The following EPHA7 variants were observed in gnomAD, a reference collection of about 807,000 sequenced individuals.
EPHA7 encodes ephrin type-A receptor 7.
EPHA7 carries 25 observed loss-of-function variants against 112.6 expected under a neutral mutation model. The observed-to-expected ratio is 0.22, with a 90% CI of 0.16 to 0.31. The LOEUF (loss-of-function observed/expected upper bound fraction) is 0.31. Ranked by LOEUF, EPHA7 falls within the 10% of genes least tolerant of loss-of-function variation. EPHA7 has a pLI of 1.00. For synonymous variants in EPHA7, 437 were observed against 406.5 expected (o/e 1.07, Z -0.90); for missense variants, 962 against 1,212.6 (o/e 0.79, Z 3.07).
chr6:93,256,192 T>G (rs1055104821), intron 12 of EPHA7, among the ~76,000 whole-genome samples, 155 bp from the exon 13 acceptor site: 5 of 152,162 alleles, frequency 3.3e-5, no homozygotes, highest in Non-Finnish European at 7.4e-5. Flanking sequence ...AAAAATAACA[T>G]GCTTATTTAG....
At chr6:93,338,469 T>C (rs139883926) in intron 5 of EPHA7, among the ~76,000 whole-genome samples, 11 of 152,132 alleles carry the variant, frequency 7.2e-5, no homozygotes, top group East Asian at 5.8e-4. Context: ...CTCTGAACCA[T>C]TGAAATTCAA....
intron 2 of EPHA7, 53 bp from the exon 3 acceptor site, chr6:93,411,223 CT>C: frequency 1.4e-6 from 2 of 1,481,308 alleles, no homozygotes; most frequent in Non-Finnish European, 1.8e-6. Flanking sequence ...TAACATTTTG[CT>C]TTTGAAAGTG....
intron 14 of EPHA7, 56 bp downstream of exon 14, chr6:93,254,591 T>G: frequency 6.8e-7 from 1 of 1,460,584 alleles, no homozygotes; most frequent in Non-Finnish European, 9.4e-7. Context: ...CATGTTCCAG[T>G]AATACTGGCC....
chr6:93,352,435 A>ACTCTTACAT (rs1185435161), intron 5 of EPHA7, among the ~76,000 whole-genome samples: 7 of 152,024 alleles, frequency 4.6e-5, no homozygotes, highest in Non-Finnish European at 8.8e-5. Flanking sequence ...TTACTTTTAT[A>ACTCTTACAT]CTCTTACATC....
chr6:93,257,130 A>C (rs1770476298), intron 12 of EPHA7, among the ~76,000 whole-genome samples: 1 of 152,090 alleles, frequency 6.6e-6, no homozygotes, highest in Non-Finnish European at 1.5e-5. Flanking sequence ...CTCACCTTTT[A>C]GTCTTTTCCA....
intron 5 of EPHA7, among the ~76,000 whole-genome samples, chr6:93,321,135 G>C (rs1025980459): frequency 2.4e-4 from 37 of 151,756 alleles, no homozygotes; most frequent in Non-Finnish European, 1.5e-4. Context: ...TCAATATGTG[G>C]CATATGCATT....
intron 5 of EPHA7, among the ~76,000 whole-genome samples, chr6:93,296,385 T>A (rs1362862442): frequency 6.8e-6 from 1 of 146,936 alleles, no homozygotes; most frequent in East Asian, 2.1e-4. Context: ...GGAAATAACC[T>A]AACTATCTGT....
chr6:93,251,593 C>T (rs191088534), intron 14 of EPHA7, among the ~76,000 whole-genome samples: 1 of 144,382 alleles, frequency 6.9e-6, no homozygotes, highest in East Asian at 2.1e-4. Flanking sequence ...CATTAAAATA[C>T]TAATGTAAGA....
intron 16 of EPHA7, 23 bp downstream of exon 16, chr6:93,245,275 C>T (rs1399743485): frequency 3.1e-6 from 5 of 1,596,730 alleles, no homozygotes; most frequent in Non-Finnish European, 4.3e-6. Flanking sequence ...TCCTTAAATA[C>T]AATTTTAAGA....
intron 5 of EPHA7, among the ~76,000 whole-genome samples, chr6:93,310,003 C>G (rs550123018): frequency 1.5e-4 from 23 of 152,260 alleles, no homozygotes; most frequent in African/African-American, 5.5e-4. Context: ...GGTTCACAGT[C>G]CTTAATTTCT....
chr6:93,289,646 A>G (rs1032705472), intron 5 of EPHA7, among the ~76,000 whole-genome samples: 2 of 152,160 alleles, frequency 1.3e-5, no homozygotes, highest in African/African-American at 4.8e-5. Context: ...AAATAAAAAA[A>G]TAAGAAAGTA....
At chr6:93,339,304 G>A (rs1775028297) in intron 5 of EPHA7, among the ~76,000 whole-genome samples, 1 of 151,544 alleles carries the variant, frequency 6.6e-6, no homozygotes. Context: ...TTCTTTTGTA[G>A]TCCCGGTTAT....
chr6:93,349,705 C>T (rs1775591670), intron 5 of EPHA7, among the ~76,000 whole-genome samples: 1 of 151,600 alleles, frequency 6.6e-6, no homozygotes, highest in Non-Finnish European at 1.5e-5. Context: ...ATATCATGTT[C>T]CTTTAAAATA....
rs1770360432 is a variant in EPHA7 at position 93,254,724 on chromosome 6, C to T, written c.2455G>A (p.Val819Ile). 2 of 1,613,744 alleles carry T rather than the reference C, an allele frequency of 1.2e-6. No homozygotes were observed. The highest frequency in any genetic ancestry group is 1.7e-5 in the Admixed American group (1 of 60,004). ...QYRKFTSASD[V>I]WSYGIVMWEV... ...CACATGACTATTCCATAGCTCCATA[C>T]ATCACTGGCTGATGTGAATTTCCGG... The change falls in exon 14 of 17, where the codon GTA becomes ATA. Residue 819 changes from valine (V) to isoleucine (I), a missense_variant. Val to Ile is a conservative substitution (Grantham distance 29). Transcript: ENST00000369303.
chr6:93,339,421 T>C (rs1241901311), intron 5 of EPHA7, among the ~76,000 whole-genome samples: 2 of 151,846 alleles, frequency 1.3e-5, no homozygotes, highest in East Asian at 3.9e-4. Flanking sequence ...GTTAAATTTA[T>C]AGCAAAGAAT....
intron 5 of EPHA7, among the ~76,000 whole-genome samples, chr6:93,320,156 G>C (rs1003833330): frequency 1.5e-4 from 23 of 151,970 alleles, no homozygotes; most frequent in African/African-American, 4.8e-4. Flanking sequence ...CCATTTCATT[G>C]ATTAGCTAAC....
intron 5 of EPHA7, among the ~76,000 whole-genome samples, chr6:93,277,961 A>C (rs1771549572): frequency 6.6e-6 from 1 of 151,990 alleles, no homozygotes; most frequent in Non-Finnish European, 1.5e-5. Context: ...CAGTAGAGTA[A>C]TAAAATACCT....
chr6:93,280,005 G>A (rs1003244200), intron 5 of EPHA7, among the ~76,000 whole-genome samples: 1 of 151,960 alleles, frequency 6.6e-6, no homozygotes, highest in Non-Finnish European at 1.5e-5. Flanking sequence ...AACTCCTTTC[G>A]TTCATACCTT....
chr6:93,297,544 A>C (rs1034767863), intron 5 of EPHA7, among the ~76,000 whole-genome samples: 26 of 152,116 alleles, frequency 1.7e-4, no homozygotes, highest in African/African-American at 6.0e-4. Flanking sequence ...TTTGTTTATA[A>C]TTGGTTTAGT....
Sources: gnomAD v4.1 joint callset for allele counts (sites outside exome capture counted in the v4.1 genomes callset) on GRCh38, gnomAD v4.1.1 for gene constraint, MANE v1.5 for transcripts, NCBI Gene and HGNC (gene_info 2026-07-23, HGNC 2026-07-21) for gene names.